The following RYR2 variants were observed in gnomAD, a reference collection of about 807,000 sequenced individuals.
RYR2 encodes the protein cardiac muscle ryanodine receptor-calcium release channel.
RYR2 carries 227 observed loss-of-function variants against 601.1 expected under a neutral mutation model. The observed-to-expected ratio is 0.38, with a 90% CI of 0.34 to 0.42. RYR2 has a LOEUF of 0.42. Ranked by LOEUF, RYR2 falls within the 10% of genes least tolerant of loss-of-function variation. RYR2 has a pLI of 1.00. For missense variants in RYR2, 4,646 were observed against 6,156.5 expected, an observed-to-expected ratio of 0.75 and a Z score of 8.21; for synonymous variants, 2,223 against 2,175.1, an observed-to-expected ratio of 1.02 and a Z score of -0.61.
At position 237,441,495 on chromosome 1, in the gene RYR2, G is replaced by A; in HGVS notation, c.1170+12G>A. 3 of 1,446,606 alleles carry A rather than the reference G, an allele frequency of 2.1e-6. No homozygotes were observed. Among genetic ancestry groups the A allele is most frequent in the Admixed American group, 2.4e-5 (1 of 41,764 alleles). 89.6% of individuals were successfully genotyped at this position (1,446,606 alleles called of 1,614,324 possible). On this transcript the variant is annotated intron_variant, in intron 13 of 104. Coordinates refer to ENST00000366574, the MANE Select transcript of RYR2 (RefSeq NM_001035.3). ...CTATACAACGTAAGGTAAGGTGATA[G>A]AAAAAAACATAATTTATAGAAGTAA...
At chr1:237,589,676 TCACCCTAGG>T in intron 29 of RYR2, 108 bp from the exon 30 acceptor site, 1 of 866,154 alleles carries the variant, frequency 1.2e-6, no homozygotes, top group Non-Finnish European at 1.8e-6. Flanking sequence ...ACTACTTTTT[TCACCCTAGG>T]GTGACAGCTC....
At chr1:237,341,968 T>G (rs150929369) in intron 3 of RYR2, among the ~76,000 whole-genome samples, 4 of 152,320 alleles carry the variant, frequency 2.6e-5, no homozygotes, top group African/African-American at 9.6e-5. Flanking sequence ...TTGTCCAAAG[T>G]GTCCCAGTCT....
rs1558718265 is a variant in RYR2, at chr1:237,380,403, TA to T, written c.576+2969del. Among the ~76,000 whole-genome samples the T allele has an allele frequency of 3.2e-4, 11 of 34,100 alleles. 1 individual carries two copies. Among genetic ancestry groups the T allele is most frequent in the African/African-American group, 9.9e-4 (10 of 10,058 alleles). The allele number at this position is 34,100 out of a possible 152,430, so 22.4% of individuals were successfully genotyped here. A position where few individuals can be genotyped will look rare whatever the true frequency, so the allele number is the denominator to read the frequency against. Reference sequence around the variant, plus strand: ...ATATATATATATATATATATATATATATATATATATATATATATAGTAAATA... The same window carrying T: ...ATATATATATATATATATATATATATTATATATATATATATATAGTAAATA... On this transcript the variant is annotated intron_variant, in intron 8 of 104. Coordinates refer to ENST00000366574, the MANE Select transcript of RYR2 (RefSeq NM_001035.3).
chr1:237,617,568 T>G, intron 38 of RYR2, 82 bp downstream of exon 38: 11 of 1,266,966 alleles, frequency 8.7e-6, no homozygotes, highest in Non-Finnish European at 1.2e-5. Flanking sequence ...ATTATATAAC[T>G]CACACGTCTT....
At chr1:237,663,328 C>A (rs1198341881) in intron 56 of RYR2, among the ~76,000 whole-genome samples, 1 of 152,272 alleles carries the variant, frequency 6.6e-6, no homozygotes, top group African/African-American at 2.4e-5. Context: ...CATGTATAAA[C>A]TCTTCTGACT....
chr1:237,515,611 TC>T (rs1411350027), intron 24 of RYR2, among the ~76,000 whole-genome samples: 2 of 143,214 alleles, frequency 1.4e-5, no homozygotes, highest in Non-Finnish European at 3.0e-5. Context: ...TTCCTCCTCC[TC>T]CTCCCCCTCC....
intron 16 of RYR2, among the ~76,000 whole-genome samples, chr1:237,468,112 C>T (rs777249491): frequency 8.5e-5 from 13 of 152,198 alleles, no homozygotes; most frequent in Non-Finnish European, 1.6e-4. Context: ...CCCACCTCAG[C>T]CTCCCAAAGC....
chr1:237,597,143 A>T (rs1308345983), intron 34 of RYR2, among the ~76,000 whole-genome samples: 1 of 152,226 alleles, frequency 6.6e-6, no homozygotes, highest in Non-Finnish European at 1.5e-5. Flanking sequence ...CAAATCTTTC[A>T]GACCTCTAGT....
rs117916943 is a variant in RYR2, at chr1:237,132,778, C to G, written c.48+90209C>G. On this transcript the variant is annotated intron_variant, in intron 1 of 104. Coordinates refer to ENST00000366574, the MANE Select transcript of RYR2 (RefSeq NM_001035.3). ...TCACATATCCAAGAAGCTTAGAGAA[C>G]CTCAGGCAGGGTAAGTACATTGAGA... 7.4e-4 allele frequency among the ~76,000 whole-genome samples: 112 copies of G among 152,206 alleles called. 1 individual carries two copies. The East Asian group carries it at 0.019, about 25-fold the overall frequency.
At chr1:237,215,026 G>A (rs900416493) in intron 1 of RYR2, among the ~76,000 whole-genome samples, 5 of 152,252 alleles carry the variant, frequency 3.3e-5, no homozygotes, top group Admixed American at 1.3e-4. Flanking sequence ...AAGTCAACTC[G>A]GAGAAGGTGA....
intron 38 of RYR2, among the ~76,000 whole-genome samples, chr1:237,618,283 C>T (rs979037701): frequency 2.6e-5 from 4 of 152,000 alleles, no homozygotes; most frequent in African/African-American, 9.7e-5. Context: ...GAGAACAGGT[C>T]CAGCCTCTTC....
intron 1 of RYR2, among the ~76,000 whole-genome samples, chr1:237,193,691 C>T (rs1270119407): frequency 6.6e-6 from 1 of 152,076 alleles, no homozygotes; most frequent in African/African-American, 2.4e-5. Flanking sequence ...TTATGTAACT[C>T]ACATTTCTTA....
rs56191820 is a variant in RYR2, at chr1:237,546,993, A to ATTTATT, written c.2907-1437_2907-1436insTTATTT. Among the ~76,000 whole-genome samples, 210 of 127,398 alleles carry ATTTATT rather than the reference A, an allele frequency of 1.6e-3. 1 individual carries two copies. The highest frequency in any genetic ancestry group is 4.3e-3 in the African/African-American group (151 of 35,502). 83.6% of individuals were successfully genotyped at this position (127,398 alleles called of 152,430 possible). A position where few individuals can be genotyped will look rare whatever the true frequency, so the allele number is the denominator to read the frequency against. On this transcript the variant is annotated intron_variant, in intron 25 of 104. Transcript: ENST00000366574. ...TTCAAAAGCATATATATATATATAT[A>ATTTATT]TATTTATTTATTTATTTATTTATTT...
At chr1:237,537,635 T>C (rs1245917592) in intron 25 of RYR2, among the ~76,000 whole-genome samples, 3 of 152,096 alleles carry the variant, frequency 2.0e-5, no homozygotes, top group Non-Finnish European at 4.4e-5. Flanking sequence ...TTTTATAGAT[T>C]CATCTAATGG....
intron 33 of RYR2, among the ~76,000 whole-genome samples, chr1:237,593,888 T>C (rs1675515318): frequency 6.6e-6 from 1 of 152,204 alleles, no homozygotes; most frequent in African/African-American, 2.4e-5. Context: ...TTCCTTCAGG[T>C]AACATGACTA....
At chr1:237,461,616 G>A (rs569104316) in intron 16 of RYR2, among the ~76,000 whole-genome samples, 1 of 151,630 alleles carries the variant, frequency 6.6e-6, no homozygotes, top group Admixed American at 6.6e-5. Flanking sequence ...TCATTATTCT[G>A]AATCTATTAA....
intron 15 of RYR2, 61 bp downstream of exon 15, chr1:237,454,635 T>A (rs1658592081): frequency 6.5e-7 from 1 of 1,539,768 alleles, no homozygotes; most frequent in Non-Finnish European, 8.9e-7. Context: ...AGCTTCTTGG[T>A]TGGGAAAATT....
At position 237,778,911 on chromosome 1, in the gene RYR2, CA is replaced by C. The variant is rs1193382609; in HGVS notation, c.11880+142del. ...ACTTGTCTTTTTAAGATCATTTTAT[CA>C]TGCCTCTTTTGCTCATTAAAATTTT... is the stretch of plus-strand genomic sequence containing the variant. On this transcript the variant is annotated intron_variant, in intron 88 of 104. Coordinates refer to ENST00000366574, the MANE Select transcript of RYR2 (RefSeq NM_001035.3). The C allele has an allele frequency of 1.4e-5, 7 of 513,252 alleles. No individual in the cohort carries two copies. The East Asian group carries it at 1.8e-4, about 13-fold the overall frequency. 31.8% of individuals were successfully genotyped at this position (513,252 alleles called of 1,614,324 possible). A position where few individuals can be genotyped will look rare whatever the true frequency, so the allele number is the denominator to read the frequency against.
chr1:237,536,451 A>C (rs533319935), intron 25 of RYR2, among the ~76,000 whole-genome samples: 1 of 147,818 alleles, frequency 6.8e-6, no homozygotes, highest in Non-Finnish European at 1.5e-5. Flanking sequence ...GTGGTGGCTC[A>C]CGCCTGTAAC....
Sources: gnomAD v4.1 joint callset for allele counts (sites outside exome capture counted in the v4.1 genomes callset) on GRCh38, gnomAD v4.1.1 for gene constraint, MANE v1.5 for transcripts, NCBI Gene and HGNC (gene_info 2026-07-23, HGNC 2026-07-21) for gene names.